The following HNRNPLL variants were observed in gnomAD, a reference collection of about 807,000 sequenced individuals.
HNRNPLL encodes heterogeneous nuclear ribonucleoprotein L-like.
Under a neutral mutation model 67.1 loss-of-function variants are expected in HNRNPLL, and 25 were observed. That is an observed-to-expected ratio of 0.37 (90% CI 0.27 to 0.52). The LOEUF is 0.52. Among genes scored for constraint, HNRNPLL ranks in the 20% least tolerant of loss-of-function variants. The probability of loss-of-function intolerance (pLI) is 0.90; values close to 1 mark genes in which losing one functional copy is unlikely to be tolerated. For missense variants in HNRNPLL, 542 were observed against 673.9 expected, an observed-to-expected ratio of 0.80 and a Z score of 2.17; for synonymous variants, 267 against 241.7, an observed-to-expected ratio of 1.10 and a Z score of -0.97.
At chr2:38,575,012 A>C (rs1019885580) in intron 7 of HNRNPLL, among the ~76,000 whole-genome samples, 7 of 151,678 alleles carry the variant, frequency 4.6e-5, no homozygotes, top group South Asian at 2.1e-4. Flanking sequence ...CATCACACTA[A>C]ATTTTCTTTT....
rs1666177004 is a variant in HNRNPLL, at chr2:38,573,503, T to A, written c.875-76A>T. The A allele has an allele frequency of 3.3e-6, 3 of 904,482 alleles. No homozygotes were observed. The Admixed American group carries it at 7.3e-5, about 22-fold the overall frequency. The allele number at this position is 904,482 out of a possible 1,614,324, so 56.0% of individuals were successfully genotyped here. On this transcript the variant is annotated intron_variant, in intron 7 of 12. Transcript: ENST00000449105. ...TTTGTAAATACTTTAGTAGATATAC[T>A]GCACCACACACAAAAAATAAACTCT...
chr2:38,573,129 G>C lies in HNRNPLL; in HGVS notation c.1092+81C>G, dbSNP rs967943407. ...AAGAATTTGGATATTCCTGATACAA[G>C]GAGAAGACACATATTTGCAGCCTTT... On this transcript the variant is annotated intron_variant, in intron 8 of 12. Transcript: ENST00000449105. 3.5e-6 allele frequency: 3 copies of C among 869,112 alleles called. No homozygotes were observed. In the Admixed American group the frequency reaches 8.3e-5, roughly 24 times the overall value. The allele number at this position is 869,112 out of a possible 1,614,324, so 53.8% of individuals were successfully genotyped here.
At chr2:38,593,435 C>A (rs1489975994) in intron 1 of HNRNPLL, among the ~76,000 whole-genome samples, 1 of 152,088 alleles carries the variant, frequency 6.6e-6, no homozygotes, top group African/African-American at 2.4e-5. Context: ...TAATAAACTG[C>A]AAGATACAAT....
intron 4 of HNRNPLL, 132 bp from the exon 5 acceptor site, chr2:38,582,300 AT>A: frequency 1.4e-6 from 1 of 707,008 alleles, no homozygotes; most frequent in Non-Finnish European, 2.5e-6. Flanking sequence ...TTCAGGATGA[AT>A]TTTAAGAGAA....
chr2:38,583,217 T>C (rs950112020), intron 4 of HNRNPLL, among the ~76,000 whole-genome samples: 3 of 152,146 alleles, frequency 2.0e-5, no homozygotes, highest in Non-Finnish European at 2.9e-5. Context: ...CACAAAGGTA[T>C]ATAAGGTAAA....
rs1199354862 is a variant in HNRNPLL at position 38,602,727 on chromosome 2, C to T, written c.-101G>A. The T allele has an allele frequency of 1.4e-6, 2 of 1,480,388 alleles. No homozygotes were observed. The highest frequency in any genetic ancestry group is 2.9e-5 in the East Asian group (1 of 34,534). 91.7% of individuals were successfully genotyped at this position (1,480,388 alleles called of 1,614,324 possible). On this transcript the variant is annotated 5_prime_UTR_variant, in exon 1 of 13. Transcript: ENST00000449105. Reference sequence around the variant, plus strand: ...GTCCTCGCCGCCGGCAGCGCCTCTTCTGCGAGGGTCTCCGCGGCCCGGCCG... The same window carrying T: ...GTCCTCGCCGCCGGCAGCGCCTCTTTTGCGAGGGTCTCCGCGGCCCGGCCG...
At chr2:38,564,327 T>C (rs557158407) in intron 12 of HNRNPLL, 90 bp from the exon 13 acceptor site, 14 of 733,588 alleles carry the variant, frequency 1.9e-5, no homozygotes, top group Non-Finnish European at 3.1e-5. Context: ...CACCTTTTTA[T>C]ACTAAATATA....
chr2:38,566,107 G>A, intron 12 of HNRNPLL: 2 of 987,252 alleles, frequency 2.0e-6, no homozygotes, highest in Non-Finnish European at 2.4e-6. Flanking sequence ...GTTTTCTCAC[G>A]CCTGTAATCC....
At chr2:38,578,812 GGGCCTTACAGACTTAGTCGTT>G (rs1558535495) in intron 6 of HNRNPLL, among the ~76,000 whole-genome samples, 2 of 151,944 alleles carry the variant, frequency 1.3e-5, no homozygotes, top group Non-Finnish European at 2.9e-5. Context: ...ACCCCATTTA[GGGCCTTACAGACTTAGTCGTT>G]GGCCAAAACC....
chr2:38,582,395 C>T (rs370024134), intron 4 of HNRNPLL, among the ~76,000 whole-genome samples: 1 of 152,146 alleles, frequency 6.6e-6, no homozygotes, highest in Non-Finnish European at 1.5e-5. Flanking sequence ...AATGCAACCT[C>T]CACCTCCCGG....
chr2:38,585,644 C>T lies in HNRNPLL; in HGVS notation c.546G>A (p.Val182=), dbSNP rs779548315. ...SIQNPLYPIT[V]DVLYTVCNPV... is the part of the protein sequence containing the mutation. ...TCATTTGTCATATTAAAACACATAC[C>T]ACTGTAATTGGATAAAGCGGATTCT... The change falls in exon 3 of 13, where the codon GTG becomes GTA. Residue 182 remains valine (V), a splice_region_variant and synonymous_variant. Transcript: ENST00000449105. 7 of 1,551,054 alleles carry T rather than the reference C, an allele frequency of 4.5e-6. No homozygotes were observed. The highest frequency in any genetic ancestry group is 4.5e-6 in the Non-Finnish European group (5 of 1,122,762).
chr2:38,565,437 G>A (rs1178339357), intron 12 of HNRNPLL, among the ~76,000 whole-genome samples: 1 of 151,962 alleles, frequency 6.6e-6, no homozygotes, highest in Non-Finnish European at 1.5e-5. Flanking sequence ...CCGACACTGT[G>A]GCTTGTGCCT....
intron 12 of HNRNPLL, among the ~76,000 whole-genome samples, chr2:38,567,072 C>A (rs1665890020): frequency 6.6e-6 from 1 of 151,788 alleles, no homozygotes; most frequent in African/African-American, 2.4e-5. Flanking sequence ...CAGCAAGACA[C>A]AGGAAAGTAT....
At chr2:38,598,840 G>A (rs893355205) in intron 1 of HNRNPLL, among the ~76,000 whole-genome samples, 4 of 152,086 alleles carry the variant, frequency 2.6e-5, no homozygotes, top group East Asian at 1.9e-4. Flanking sequence ...CCCCAAACTA[G>A]GCCTAAAAAT....
chr2:38,575,724 G>A (rs985798590), intron 7 of HNRNPLL, among the ~76,000 whole-genome samples: 12 of 151,880 alleles, frequency 7.9e-5, no homozygotes, highest in Non-Finnish European at 1.6e-4. Context: ...TCTATAAGGT[G>A]ATCCCAAAAT....
chr2:38,566,127 G>A (rs927010843), intron 12 of HNRNPLL: 15 of 976,972 alleles, frequency 1.5e-5, no homozygotes, highest in South Asian at 9.4e-5. Context: ...CCAGCACTTC[G>A]GAAGGCGGAG....
chr2:38,570,640 A>T (rs915861873), intron 8 of HNRNPLL, among the ~76,000 whole-genome samples: 5 of 152,194 alleles, frequency 3.3e-5, no homozygotes, highest in Admixed American at 3.3e-4. Flanking sequence ...GTATGATATC[A>T]TTCAGCCTAA....
chr2:38,588,549 A>G (rs1666825364), intron 2 of HNRNPLL, among the ~76,000 whole-genome samples: 1 of 129,478 alleles, frequency 7.7e-6, no homozygotes, highest in Admixed American at 7.4e-5. Context: ...TCCATCTCAA[A>G]AAAAAAAAAA....
chr2:38,581,938 G>A lies in HNRNPLL; in HGVS notation c.777C>T (p.Tyr259=). The A allele has an allele frequency of 6.2e-7, 1 of 1,611,756 alleles. No homozygotes were observed. Among genetic ancestry groups the A allele is most frequent in the Non-Finnish European group, 8.5e-7 (1 of 1,177,924 alleles). Residue 259 remains tyrosine (Y), a synonymous_variant, in exon 6 of 13, where the codon TAC becomes TAT. Transcript: ENST00000449105. ...CTCGTCTTCCCAAATATGGTTTAGT[G>A]TAGTCCCAACTGTCATTGTCATTCC... The part of the protein sequence containing the change: ...VIRNDNDSWD[Y]TKPYLGRRDR...
Sources: allele counts gnomAD v4.1 joint callset (sites outside exome capture counted in the v4.1 genomes callset), GRCh38; gene constraint gnomAD v4.1.1; transcripts MANE v1.5; gene names NCBI Gene and HGNC (gene_info 2026-07-23, HGNC 2026-07-21).